The following POT1 variants were observed in gnomAD, a reference collection of about 807,000 sequenced individuals.
The protein encoded by POT1 is protection of telomeres protein 1.
Under a neutral mutation model 78.5 loss-of-function variants are expected in POT1, and 47 were observed. The ratio of observed to expected loss-of-function variants is 0.60; its 90% CI spans 0.47 to 0.76. The LOEUF is 0.76. Ranked by LOEUF, POT1 falls within the 30% of genes least tolerant of loss-of-function variation. POT1 has a pLI of 0.00. For synonymous variants in POT1, 259 were observed against 260.7 expected (o/e 0.99, Z 0.06); for missense variants, 646 against 749.9 (o/e 0.86, Z 1.62).
At chr7:124,877,700 G>A (rs1796022086) in intron 6 of POT1, among the ~76,000 whole-genome samples, 1 of 151,676 alleles carries the variant, frequency 6.6e-6, no homozygotes, top group South Asian at 2.1e-4. Flanking sequence ...AGGCATGGTG[G>A]CGGGCGCCTG....
At position 124,863,471 on chromosome 7, in the gene POT1, G is replaced by C; in HGVS notation, c.425C>G (p.Thr142Ser). ...TAATGTCCAAGACGGTGACATATGA[G>C]TAGATGCCCAAACACGTAAGGCTTC... The part of the protein sequence containing the change: ...MVEALRVWAS[T>S]HMSPSWTLLK... Residue 142 changes from threonine (T) to serine (S), a missense_variant, in exon 8 of 19, where the codon ACT becomes AGT. Coordinates refer to ENST00000357628, the MANE Select transcript of POT1 (RefSeq NM_015450.3). 6.2e-7 allele frequency: 1 copy of C among 1,613,992 alleles called. No homozygotes were observed. The highest frequency in any genetic ancestry group is 8.5e-7 in the Non-Finnish European group (1 of 1,179,886).
intron 3 of POT1, among the ~76,000 whole-genome samples, chr7:124,911,044 A>G (rs1233040685): frequency 1.3e-5 from 2 of 152,084 alleles, no homozygotes; most frequent in Non-Finnish European, 2.9e-5. Context: ...TTTTGTATTC[A>G]TATTTGCACC....
intron 9 of POT1, among the ~76,000 whole-genome samples, chr7:124,854,058 G>T (rs1326828893): frequency 6.6e-6 from 1 of 151,848 alleles, no homozygotes; most frequent in African/African-American, 2.4e-5. Flanking sequence ...ACAAGTTCAG[G>T]ATTGAATAAC....
intron 2 of POT1, among the ~76,000 whole-genome samples, chr7:124,916,305 C>T (rs1038818741): frequency 6.6e-6 from 1 of 151,978 alleles, no homozygotes; most frequent in African/African-American, 2.4e-5. Context: ...ACTTATACAT[C>T]AATTTTACTT....
intron 12 of POT1, among the ~76,000 whole-genome samples, chr7:124,844,459 G>A (rs543515371): frequency 8.8e-5 from 13 of 147,806 alleles, no homozygotes; most frequent in African/African-American, 2.9e-4. Context: ...CATTGGCACC[G>A]GGCGCGGTGG....
At chr7:124,828,064 C>A (rs1794673800) in intron 16 of POT1, among the ~76,000 whole-genome samples, 1 of 151,802 alleles carries the variant, frequency 6.6e-6, no homozygotes, top group Non-Finnish European at 1.5e-5. Context: ...ATAAAAAAAA[C>A]AGTTGATAGC....
At chr7:124,897,502 T>A (rs1307127195) in intron 4 of POT1, among the ~76,000 whole-genome samples, 1 of 151,920 alleles carries the variant, frequency 6.6e-6, no homozygotes, top group Non-Finnish European at 1.5e-5. Flanking sequence ...CTCAGGACAG[T>A]TCTCAGGATA....
intron 3 of POT1, among the ~76,000 whole-genome samples, chr7:124,905,358 C>G (rs1796738566): frequency 6.6e-6 from 1 of 152,148 alleles, no homozygotes; most frequent in Admixed American, 6.5e-5. Flanking sequence ...TTTGACAAAC[C>G]TGACAATAAC....
At chr7:124,841,318 T>A in intron 13 of POT1, 140 bp from the exon 14 acceptor site, 2 of 631,590 alleles carry the variant, frequency 3.2e-6, no homozygotes, top group Non-Finnish European at 2.7e-6. Flanking sequence ...ATGTAAATTA[T>A]GGAGATAATT....
rs575102728 is a variant in POT1, at chr7:124,926,845, G to C, written c.-227+1970C>G. Among the ~76,000 whole-genome samples the C allele has an allele frequency of 7.2e-4, 109 of 152,312 alleles. 1 individual carries two copies. Among genetic ancestry groups the C allele is most frequent in the Non-Finnish European group, 9.4e-4 (64 of 68,020 alleles). Reference sequence around the variant, plus strand: ...AGACACAGAAAGAGAAATACTGCATGTTCTCACTCAAAAATGTGAACTAAA... The same window carrying C: ...AGACACAGAAAGAGAAATACTGCATCTTCTCACTCAAAAATGTGAACTAAA... On this transcript the variant is annotated intron_variant, in intron 2 of 18. Transcript: ENST00000357628.
intron 9 of POT1, among the ~76,000 whole-genome samples, chr7:124,856,037 G>C (rs1795438275): frequency 6.6e-6 from 1 of 152,060 alleles, no homozygotes; most frequent in Admixed American, 6.6e-5. Flanking sequence ...ATAGTTAAGG[G>C]CAATTCGGGC....
intron 2 of POT1, among the ~76,000 whole-genome samples, chr7:124,916,770 T>A (rs1327498627): frequency 6.6e-6 from 1 of 152,112 alleles, no homozygotes; most frequent in Non-Finnish European, 1.5e-5. Flanking sequence ...TATGGTGCAA[T>A]GAAAACACAT....
At chr7:124,894,050 C>T (rs1796436064) in intron 5 of POT1, among the ~76,000 whole-genome samples, 1 of 151,524 alleles carries the variant, frequency 6.6e-6, no homozygotes, top group Admixed American at 6.6e-5. Context: ...GACATGTTTG[C>T]ATATTAACAG....
chr7:124,928,201 T>G (rs569079886), intron 2 of POT1, among the ~76,000 whole-genome samples: 1 of 152,290 alleles, frequency 6.6e-6, no homozygotes, highest in African/African-American at 2.4e-5. Context: ...TCACCTAAAT[T>G]ACTGTAATTG....
chr7:124,878,037 T>C (rs1796032292), intron 6 of POT1, among the ~76,000 whole-genome samples: 2 of 151,156 alleles, frequency 1.3e-5, no homozygotes, highest in East Asian at 2.0e-4. Context: ...TGGTGAGAAA[T>C]GGGGAGATGC....
Position 124,861,970 on chromosome 7 carries a change from C to T in POT1, c.546+1380G>A, listed in dbSNP as rs918516506. 3.9e-5 allele frequency among the ~76,000 whole-genome samples: 6 copies of T among 152,104 alleles called. No individual in the cohort carries two copies. The East Asian group carries it at 1.2e-3, about 29-fold the overall frequency. The stretch of plus-strand genomic sequence containing the variant: ...TCCGTTCCACTGGTCCATATATCTG[C>T]TTTGGTAGCAGTACAATGCTTTTTT... On this transcript the variant is annotated intron_variant, in intron 8 of 18. Transcript: ENST00000357628.
chr7:124,870,472 T>A (rs1795840368), intron 7 of POT1, among the ~76,000 whole-genome samples: 1 of 152,146 alleles, frequency 6.6e-6, no homozygotes, highest in Admixed American at 6.5e-5. Flanking sequence ...ATACTTAGTA[T>A]CTCAATGTTT....
rs192615055 is a variant in POT1, at chr7:124,924,910, C to T, written c.-227+3905G>A. Among the ~76,000 whole-genome samples, 7 of 152,128 alleles carry T rather than the reference C, an allele frequency of 4.6e-5. No individual in the cohort carries two copies. The East Asian group carries it at 1.4e-3, about 29-fold the overall frequency. ...AGAAAAAGCATTTGATAAAATTCAT[C>T]TTCCATTCATGACAAAAATCCTCAA... On this transcript the variant is annotated intron_variant, in intron 2 of 18. Transcript: ENST00000357628.
intron 15 of POT1, among the ~76,000 whole-genome samples, chr7:124,829,828 T>C (rs571658963): frequency 2.0e-5 from 3 of 152,180 alleles, no homozygotes; most frequent in African/African-American, 7.2e-5. Flanking sequence ...GCCTTCCAAG[T>C]AGCTAGAACC....
Sources: allele counts gnomAD v4.1 joint callset (sites outside exome capture counted in the v4.1 genomes callset), GRCh38; gene constraint gnomAD v4.1.1; transcripts MANE v1.5; gene names NCBI Gene and HGNC (gene_info 2026-07-23, HGNC 2026-07-21).